The following SLC27A2 variants were observed in gnomAD, a reference collection of about 807,000 sequenced individuals.
SLC27A2 encodes solute carrier family 27 member 2.
A neutral mutation model predicts 60.0 loss-of-function variants in SLC27A2; 54 were observed. The observed-to-expected ratio is 0.90, with a 90% confidence interval of 0.72 to 1.13. SLC27A2 has a LOEUF of 1.13. Ranked by LOEUF, SLC27A2 falls within the 50% of genes most tolerant of loss-of-function variation. The probability of loss-of-function intolerance (pLI) is 0.00; values close to 1 mark genes in which losing one functional copy is unlikely to be tolerated. For synonymous variants in SLC27A2, 297 were observed against 297.6 expected (o/e 1.00, Z 0.02); for missense variants, 739 against 777.6 (o/e 0.95, Z 0.59).
chr15:50,205,454 A>G (rs971918921), intron 4 of SLC27A2, 91 bp downstream of exon 4: 15 of 1,304,276 alleles, frequency 1.2e-5, no homozygotes, highest in Non-Finnish European at 1.6e-5. Context: ...ACTGATTTGC[A>G]TATATCAGTT....
intron 1 of SLC27A2, among the ~76,000 whole-genome samples, chr15:50,184,864 T>TATTCTG (rs2044907643): frequency 6.6e-6 from 1 of 152,040 alleles, no homozygotes; most frequent in Non-Finnish European, 1.5e-5. Flanking sequence ...AAAGACAAGT[T>TATTCTG]TAAAGGTGGC....
chr15:50,213,915 A>C (rs2045176034), intron 4 of SLC27A2, among the ~76,000 whole-genome samples: 1 of 152,124 alleles, frequency 6.6e-6, no homozygotes, highest in Admixed American at 6.6e-5. Context: ...GAGAAACAAG[A>C]ACAAACCAAA....
rs561386678 is a variant in SLC27A2 at position 50,204,460 on chromosome 15, A to G, written c.848-779A>G. 4.1e-4 allele frequency among the ~76,000 whole-genome samples: 62 copies of G among 152,172 alleles called. No individual in the cohort carries two copies. In the South Asian group the frequency reaches 1.0e-2, roughly 24 times the overall value. On this transcript the variant is annotated intron_variant, in intron 3 of 9. Coordinates refer to ENST00000267842, the MANE Select transcript of SLC27A2 (RefSeq NM_003645.4). ...CAATAGAGTGAGACCCGGGCCAGGT[A>G]CGGTGGCTCACGCCTGTAATCTCAG...
At chr15:50,218,630 C>T (rs2045220002) in intron 4 of SLC27A2, among the ~76,000 whole-genome samples, 1 of 152,122 alleles carries the variant, frequency 6.6e-6, no homozygotes, top group South Asian at 2.1e-4. Context: ...ATCTAGAATT[C>T]TATATCCAGC....
At chr15:50,189,072 A>G (rs1199802564) in intron 1 of SLC27A2, among the ~76,000 whole-genome samples, 2 of 152,200 alleles carry the variant, frequency 1.3e-5, no homozygotes, top group Admixed American at 6.5e-5. Flanking sequence ...ATGGATAGAT[A>G]ATGTCTGTTG....
At chr15:50,211,923 T>A (rs1160906956) in intron 4 of SLC27A2, among the ~76,000 whole-genome samples, 2 of 145,310 alleles carry the variant, frequency 1.4e-5, no homozygotes, top group Admixed American at 6.8e-5. Context: ...TACAAAAAAA[T>A]TAGCTGGAGT....
intron 1 of SLC27A2, among the ~76,000 whole-genome samples, chr15:50,193,410 C>G (rs1171749716): frequency 6.6e-6 from 1 of 152,180 alleles, no homozygotes; most frequent in African/African-American, 2.4e-5. Context: ...GCCTGGCACA[C>G]AGGGAACACT....
rs572516191 is a variant in SLC27A2 at position 50,210,951 on chromosome 15, G to A, written c.972+5588G>A. Among the ~76,000 whole-genome samples, 5 of 152,116 alleles carry A rather than the reference G, an allele frequency of 3.3e-5. No individual in the cohort carries two copies. The East Asian group carries it at 5.8e-4, about 18-fold the overall frequency. On this transcript the variant is annotated intron_variant, in intron 4 of 9. Transcript: ENST00000267842. ...ACAACTCCAGTGACCTGGGAATCTC[G>A]CCCCCATCCCCCACAGCAGCCACAG...
chr15:50,209,748 A>G (rs1225270875), intron 4 of SLC27A2, among the ~76,000 whole-genome samples: 1 of 152,182 alleles, frequency 6.6e-6, no homozygotes, highest in Admixed American at 6.5e-5. Flanking sequence ...TTGTCCAGGC[A>G]GAAGTGTAAC....
chr15:50,199,593 T>C (rs1323324229), intron 2 of SLC27A2, among the ~76,000 whole-genome samples: 1 of 152,040 alleles, frequency 6.6e-6, no homozygotes, highest in East Asian at 1.9e-4. Context: ...TGGAAGACAA[T>C]TAGAAGGGTG....
chr15:50,211,723 C>CA (rs1006049195), intron 4 of SLC27A2, among the ~76,000 whole-genome samples: 12 of 151,560 alleles, frequency 7.9e-5, no homozygotes, highest in East Asian at 1.9e-4. Context: ...CAAGGAAATC[C>CA]AAAAAAACGT....
intron 8 of SLC27A2, among the ~76,000 whole-genome samples, chr15:50,232,259 G>A (rs1418907059): frequency 6.6e-6 from 1 of 152,188 alleles, no homozygotes; most frequent in Non-Finnish European, 1.5e-5. Context: ...TGTCACACCT[G>A]AACTGCCCAA....
At position 50,182,349 on chromosome 15, in the gene SLC27A2, C is replaced by T. The variant is rs1054911479; in HGVS notation, c.-79C>T. 2 of 1,381,330 alleles carry T rather than the reference C, an allele frequency of 1.4e-6. No homozygotes were observed. Among genetic ancestry groups the T allele is most frequent in the South Asian group, 1.8e-5 (1 of 56,462 alleles). The allele number at this position is 1,381,330 out of a possible 1,614,324, so 85.6% of individuals were successfully genotyped here. ...CCCCGGCGCAGCCCGCCAGTCCGCC[C>T]GGAGCCCGCCCAGTCGCCGCGCTGC... On this transcript the variant is annotated 5_prime_UTR_variant, in exon 1 of 10. Transcript: ENST00000267842.
chr15:50,229,040 C>T lies in SLC27A2; in HGVS notation c.1553C>T (p.Pro518Leu). 1 of 1,594,368 alleles carries T rather than the reference C, an allele frequency of 6.3e-7. No individual in the cohort carries two copies. Among genetic ancestry groups the T allele is most frequent in the African/African-American group, 1.4e-5 (1 of 73,258 alleles). Residue 518 changes from proline (P) to leucine (L), a missense_variant and splice_region_variant, in exon 8 of 10, where the codon CCA becomes CTA. Transcript: ENST00000267842. ...QEVNVYGVHV[P>L]DHEGRIGMAS... ...GTAAATGTTTATGGAGTGCATGTGC[C>T]AGGTATATACAAGATATGATCTGTA... is the stretch of plus-strand genomic sequence containing the variant.
At chr15:50,212,300 A>G (rs1259979889) in intron 4 of SLC27A2, among the ~76,000 whole-genome samples, 3 of 152,232 alleles carry the variant, frequency 2.0e-5, no homozygotes, top group African/African-American at 7.2e-5. Context: ...GTCTAGGATT[A>G]AAAGACCAAA....
At chr15:50,211,389 C>T (rs2045153322) in intron 4 of SLC27A2, among the ~76,000 whole-genome samples, 1 of 152,168 alleles carries the variant, frequency 6.6e-6, no homozygotes, top group Non-Finnish European at 1.5e-5. Flanking sequence ...ACAACAATCA[C>T]TGCAGTTCGG....
At chr15:50,192,059 C>CAAAAAAA (rs553255229) in intron 1 of SLC27A2, among the ~76,000 whole-genome samples, 1 of 103,268 alleles carries the variant, frequency 9.7e-6, no homozygotes. Context: ...GACTCCATCT[C>CAAAAAAA]AAAAAAAAAA....
chr15:50,193,237 G>GC (rs1460238573), intron 1 of SLC27A2, among the ~76,000 whole-genome samples: 3 of 152,092 alleles, frequency 2.0e-5, no homozygotes, highest in Non-Finnish European at 2.9e-5. Flanking sequence ...TCGTCTTTCT[G>GC]CCCCCCACCA....
At chr15:50,225,042 A>T (rs2045269835) in intron 5 of SLC27A2, among the ~76,000 whole-genome samples, 1 of 152,178 alleles carries the variant, frequency 6.6e-6, no homozygotes, top group African/African-American at 2.4e-5. Context: ...CATGCAATTG[A>T]TGTAGAAAAG....
Sources: gnomAD v4.1 joint callset for allele counts (sites outside exome capture counted in the v4.1 genomes callset) on GRCh38, gnomAD v4.1.1 for gene constraint, MANE v1.5 for transcripts, NCBI Gene and HGNC (gene_info 2026-07-23, HGNC 2026-07-21) for gene names.